STRN3: variants seen among roughly 807,000 people sequenced by gnomAD.
STRN3 encodes striatin-3.
A neutral mutation model predicts 95.6 loss-of-function variants in STRN3; 29 were observed. The observed-to-expected ratio is 0.30, with a 90% CI of 0.23 to 0.41. The LOEUF (loss-of-function observed/expected upper bound fraction) is 0.41. STRN3 is among the 10% of genes least tolerant of loss of function. The pLI, the probability that STRN3 is intolerant of heterozygous loss-of-function variation, is 1.00. For missense variants in STRN3, 890 were observed against 972.1 expected (o/e 0.92, Z 1.12); for synonymous variants, 331 against 357.6 (o/e 0.93, Z 0.84).
chr14:30,953,976 T>C (rs1879780182), intron 3 of STRN3, among the ~76,000 whole-genome samples: 1 of 152,118 alleles, frequency 6.6e-6, no homozygotes, highest in African/African-American at 2.4e-5. Flanking sequence ...TCAAGTCACT[T>C]TCAGAGCAGC....
At chr14:30,924,692 T>C (rs898048618) in intron 8 of STRN3, among the ~76,000 whole-genome samples, 1 of 152,040 alleles carries the variant, frequency 6.6e-6, no homozygotes, top group African/African-American at 2.4e-5. Flanking sequence ...ATCCTGTCTA[T>C]TAAAAAATGT....
intron 1 of STRN3, among the ~76,000 whole-genome samples, chr14:30,976,638 C>A (rs1881118423): frequency 6.6e-6 from 1 of 152,202 alleles, no homozygotes; most frequent in East Asian, 1.9e-4. Context: ...CCCATCTTAA[C>A]AACTTTAAAA....
chr14:31,008,487 G>A (rs765760346), intron 1 of STRN3, among the ~76,000 whole-genome samples: 5 of 151,898 alleles, frequency 3.3e-5, no homozygotes, highest in Non-Finnish European at 7.4e-5. Flanking sequence ...TAGCCTGAAT[G>A]ACAGAGCAAG....
Position 30,906,925 on chromosome 14 carries a change from T to G in STRN3, c.1840A>C (p.Asn614His). The G allele has an allele frequency of 6.2e-7, 1 of 1,613,796 alleles. No homozygotes were observed. The highest frequency in any genetic ancestry group is 8.5e-7 in the Non-Finnish European group (1 of 1,179,858). Residue 614 changes from asparagine (N) to histidine (H), a missense_variant, in exon 14 of 18, where the codon AAT (asparagine) becomes CAT (histidine). Physicochemically the swap from Asn to His is moderately conservative, Grantham distance 68. Coordinates refer to ENST00000357479, the MANE Select transcript of STRN3 (RefSeq NM_001083893.2). ...CSADGTVRLWNPQEKLPCICT... is the reference protein window; with the variant it reads ...CSADGTVRLWHPQEKLPCICT... ...ATACATGGCAATTTTTCTTGTGGAT[T>G]CCATAACCTAACAGTGCCATCTGCT...
At chr14:30,914,833 T>C (rs746858196) in intron 9 of STRN3, among the ~76,000 whole-genome samples, 2 of 152,194 alleles carry the variant, frequency 1.3e-5, no homozygotes, top group Admixed American at 6.5e-5. Flanking sequence ...AACTATATCA[T>C]GTGCATTATT....
At chr14:30,982,614 G>C (rs1391599472) in intron 1 of STRN3, among the ~76,000 whole-genome samples, 3 of 152,142 alleles carry the variant, frequency 2.0e-5, no homozygotes, top group Non-Finnish European at 4.4e-5. Flanking sequence ...CTGGCCAATA[G>C]ATAATTTTTA....
intron 9 of STRN3, 126 bp from the exon 10 acceptor site, chr14:30,913,783 T>C: frequency 5.1e-6 from 6 of 1,187,834 alleles, no homozygotes; most frequent in Non-Finnish European, 6.9e-6. Flanking sequence ...ATTTTCCCAC[T>C]TCTACTCAAA....
At chr14:30,999,366 C>A (rs1210735031) in intron 1 of STRN3, among the ~76,000 whole-genome samples, 2 of 152,118 alleles carry the variant, frequency 1.3e-5, no homozygotes, top group Non-Finnish European at 2.9e-5. Flanking sequence ...GACTTCAAAT[C>A]ATCTATTATA....
chr14:30,934,614 G>T (rs935850511), intron 7 of STRN3, among the ~76,000 whole-genome samples: 1 of 152,038 alleles, frequency 6.6e-6, no homozygotes, highest in Non-Finnish European at 1.5e-5. Flanking sequence ...CTAACATTTT[G>T]CACACTGAAT....
intron 3 of STRN3, among the ~76,000 whole-genome samples, chr14:30,954,503 C>T (rs1458976734): frequency 6.6e-6 from 1 of 152,078 alleles, no homozygotes; most frequent in Non-Finnish European, 1.5e-5. Flanking sequence ...TTTGTTCACA[C>T]GATATACTTC....
chr14:30,929,954 C>CAAAAAAAAAACAAAAA (rs1878402831), intron 7 of STRN3, among the ~76,000 whole-genome samples: 1 of 39,996 alleles, frequency 2.5e-5, no homozygotes, highest in Non-Finnish European at 4.5e-5. Context: ...CTAAGATTAG[C>CAAAAAAAAAACAAAAA]AAAAAAAAAA....
At chr14:30,993,576 T>C (rs1882063893) in intron 1 of STRN3, among the ~76,000 whole-genome samples, 1 of 152,168 alleles carries the variant, frequency 6.6e-6, no homozygotes, top group African/African-American at 2.4e-5. Flanking sequence ...AGATGCTTTA[T>C]TCAAAAGAAA....
At chr14:30,896,678 T>C (rs10483360) in intron 16 of STRN3, among the ~76,000 whole-genome samples, 12,066 of 152,242 alleles carry the variant, frequency 0.079, 579 homozygotes, top group Non-Finnish European at 0.1. Context: ...CCAGAAAATA[T>C]GTTTCTACCT....
At chr14:31,009,058 A>T (rs1304973852) in intron 1 of STRN3, among the ~76,000 whole-genome samples, 2 of 152,166 alleles carry the variant, frequency 1.3e-5, no homozygotes, top group African/African-American at 4.8e-5. Flanking sequence ...AAAAAAAATT[A>T]AGAAAAACAG....
At chr14:30,902,108 T>C (rs10129452) in intron 16 of STRN3, among the ~76,000 whole-genome samples, 92,839 of 144,836 alleles carry the variant, frequency 0.64, 30,158 homozygotes, top group Non-Finnish European at 0.72. Flanking sequence ...GAGGCCGAGA[T>C]TGCAGTGAGC....
rs1023556139 is a variant in STRN3, at chr14:30,911,902, A to T, written c.1551-78T>A. The T allele has an allele frequency of 1.0e-5, 16 of 1,558,532 alleles. No individual in the cohort carries two copies. The African/African-American group carries it at 1.9e-4, about 19-fold the overall frequency. On this transcript the variant is annotated intron_variant, in intron 11 of 17. Transcript: ENST00000357479. ...AATCACTGGTTGATATTAAATAGTCATTAGATCAAATGTGTGCATTAAAGA... is the reference window on the plus strand; with the variant it reads ...AATCACTGGTTGATATTAAATAGTCTTTAGATCAAATGTGTGCATTAAAGA...
chr14:30,918,465 T>C (rs1360723717), intron 9 of STRN3, among the ~76,000 whole-genome samples: 3 of 150,760 alleles, frequency 2.0e-5, no homozygotes, highest in Non-Finnish European at 2.9e-5. Context: ...GCCGAGATCA[T>C]GCCACTGCAC....
In STRN3 at chr14:30,919,026, T is replaced by G; in HGVS notation, c.1180A>C (p.Asn394His). Reference protein sequence around the residue: ...ELPHIPSGIINQSRSASTRMT... With the variant: ...ELPHIPSGIIHQSRSASTRMT... ...CTAGTAGAGGCTGACCTAGACTGAT[T>G]AATGATTCCTGAAGGGATGTGGGGC... The change falls in exon 9 of 18, where the codon AAT becomes CAT. Residue 394 changes from asparagine to histidine, a missense_variant. Coordinates refer to ENST00000357479, the MANE Select transcript of STRN3 (RefSeq NM_001083893.2). 6.2e-7 allele frequency: 1 copy of G among 1,612,510 alleles called. No individual in the cohort carries two copies.
chr14:30,911,295 C>CTTTTTTTTTTTTTTTTTTTTTTTTTTTTT (rs11297035), intron 12 of STRN3, 133 bp from the exon 13 acceptor site: 1 of 408,428 alleles, frequency 2.4e-6, no homozygotes, highest in Non-Finnish European at 3.9e-6. Flanking sequence ...CTGACTGGTA[C>CTTTTTTTTTTTTTTTTTTTTTTTTTTTTT]TTTTTTTTTT....
Sources: gnomAD v4.1 joint callset for allele counts (sites outside exome capture counted in the v4.1 genomes callset) on GRCh38, gnomAD v4.1.1 for gene constraint, MANE v1.5 for transcripts, NCBI Gene and HGNC (gene_info 2026-07-23, HGNC 2026-07-21) for gene names.